AKR1C3: variants seen among roughly 807,000 people sequenced by gnomAD.
AKR1C3 encodes the protein 3-alpha hydroxysteroid dehydrogenase, type II.
Under a neutral mutation model 43.6 loss-of-function variants are expected in AKR1C3, and 48 were observed. The ratio of observed to expected loss-of-function variants is 1.10; its 90% CI spans 0.87 to 1.40. AKR1C3 has a LOEUF of 1.40. Ranked by LOEUF, AKR1C3 falls within the 40% of genes most tolerant of loss-of-function variation. The probability of loss-of-function intolerance (pLI) is 0.00; values close to 1 mark genes in which losing one functional copy is unlikely to be tolerated. For synonymous variants in AKR1C3, 162 were observed against 139.6 expected, an observed-to-expected ratio of 1.16 and a Z score of -1.13; for missense variants, 482 against 391.2, an observed-to-expected ratio of 1.23 and a Z score of -1.96.
At chr10:5,075,341 AT>A (rs1422534307) in intron 1 of AKR1C3, among the ~76,000 whole-genome samples, 1 of 151,794 alleles carries the variant, frequency 6.6e-6, no homozygotes. Flanking sequence ...GGTAGAGAAA[AT>A]TTTTTCCCTT....
intron 1 of AKR1C3, among the ~76,000 whole-genome samples, chr10:5,054,044 G>T (rs370191475): frequency 1.6e-4 from 25 of 152,182 alleles, no homozygotes; most frequent in Non-Finnish European, 3.5e-4. Flanking sequence ...TTTGAAAGGC[G>T]TTGTCTGATT....
intron 1 of AKR1C3, among the ~76,000 whole-genome samples, chr10:5,061,291 G>A (rs1554780212): frequency 6.6e-6 from 1 of 152,204 alleles, no homozygotes; most frequent in East Asian, 1.9e-4. Flanking sequence ...GCTGGTGACA[G>A]GTATATATCA....
chr10:5,095,183 TC>T (rs1164985297), intron 1 of AKR1C3, among the ~76,000 whole-genome samples: 1 of 152,126 alleles, frequency 6.6e-6, no homozygotes, highest in African/African-American at 2.4e-5. Flanking sequence ...GGAGTGGTCT[TC>T]TGACACAAAA....
chr10:5,099,687 A>T (rs911733152), intron 5 of AKR1C3: 1 of 624,194 alleles, frequency 1.6e-6, no homozygotes. Flanking sequence ...GGGGAGGTCC[A>T]TTTGATCAGG....
intron 1 of AKR1C3, chr10:5,077,673 A>G: frequency 1.8e-6 from 2 of 1,099,702 alleles, no homozygotes; most frequent in Non-Finnish European, 2.2e-6. Context: ...AAATGGCAGG[A>G]TGGTTTGCTT....
chr10:5,067,744 C>T (rs1399365535), intron 1 of AKR1C3, among the ~76,000 whole-genome samples: 1 of 152,132 alleles, frequency 6.6e-6, no homozygotes, highest in African/African-American at 2.4e-5. Flanking sequence ...TAGTTATAAA[C>T]TATGTTAGTA....
In AKR1C3 at chr10:5,102,300, C is replaced by T. The variant is rs34464507; in HGVS notation, c.680+90C>T. Reference sequence around the variant, plus strand: ...TCCTCAGTTTCCTGTAGTTAAGTTTCAAGTGGCTCATGGAGAGGAAAGAGA... The same window carrying T: ...TCCTCAGTTTCCTGTAGTTAAGTTTTAAGTGGCTCATGGAGAGGAAAGAGA... On this transcript the variant is annotated intron_variant, in intron 6 of 8. Transcript: ENST00000380554. 1.5e-3 allele frequency: 2,385 copies of T among 1,580,718 alleles called. 35 individuals carry two copies. In the African/African-American group the frequency reaches 0.028, roughly 19 times the overall value.
At chr10:5,077,537 T>C (rs1353450380) in intron 1 of AKR1C3, 1 of 328,488 alleles carries the variant, frequency 3.0e-6, no homozygotes. Flanking sequence ...CTGTGTCCTA[T>C]TATGGAAATG....
intron 1 of AKR1C3, among the ~76,000 whole-genome samples, chr10:5,084,509 A>C (rs1471466017): frequency 1.3e-5 from 2 of 152,024 alleles, no homozygotes; most frequent in African/African-American, 2.4e-5. Flanking sequence ...GTCAGGTAGC[A>C]TGATGCCTCC....
chr10:5,066,225 T>C (rs1193067007), intron 1 of AKR1C3, among the ~76,000 whole-genome samples: 1 of 152,220 alleles, frequency 6.6e-6, no homozygotes, highest in Non-Finnish European at 1.5e-5. Flanking sequence ...CCTTAAAGTC[T>C]TAGAACTAGC....
At chr10:5,065,282 C>G (rs923841773) in intron 1 of AKR1C3, among the ~76,000 whole-genome samples, 3 of 152,180 alleles carry the variant, frequency 2.0e-5, no homozygotes, top group Non-Finnish European at 4.4e-5. Flanking sequence ...ATAAATCATT[C>G]TATCATAAAG....
chr10:5,098,860 A>T lies in AKR1C3; in HGVS notation c.428A>T (p.Asp143Val). ...ENGKVIFDIV[D>V]LCTTWEAMEK... is the part of the protein sequence containing the mutation. Reference sequence around the variant, plus strand: ...GGAAAAGTAATATTTGACATAGTGGATCTCTGTACCACCTGGGAGGTGAGT... The same window carrying T: ...GGAAAAGTAATATTTGACATAGTGGTTCTCTGTACCACCTGGGAGGTGAGT... Residue 143 changes from aspartate (D) to valine (V), a missense_variant, in exon 4 of 9, where the codon GAT (aspartate) becomes GTT (valine). By Grantham distance (152) the Asp-to-Val change is radical. Coordinates refer to ENST00000380554, the MANE Select transcript of AKR1C3 (RefSeq NM_003739.6). 1 of 1,613,634 alleles carries T rather than the reference A, an allele frequency of 6.2e-7. No individual in the cohort carries two copies. Among genetic ancestry groups the T allele is most frequent in the Non-Finnish European group, 8.5e-7 (1 of 1,179,800 alleles).
chr10:5,074,604 CAAG>C (rs1214982074), intron 1 of AKR1C3, among the ~76,000 whole-genome samples: 3 of 152,110 alleles, frequency 2.0e-5, no homozygotes, highest in Non-Finnish European at 2.9e-5. Context: ...ACATAGTGTG[CAAG>C]AAGATTAAAT....
intron 1 of AKR1C3, among the ~76,000 whole-genome samples, chr10:5,051,205 C>T (rs190193030): frequency 5.6e-4 from 85 of 152,246 alleles, no homozygotes; most frequent in African/African-American, 2.0e-3. Flanking sequence ...AAATGATTCT[C>T]GTGTCTCAGC....
chr10:5,051,180 C>G (rs1316397102), intron 1 of AKR1C3, among the ~76,000 whole-genome samples: 1 of 152,192 alleles, frequency 6.6e-6, no homozygotes, highest in Non-Finnish European at 1.5e-5. Flanking sequence ...ACTGCAACCT[C>G]CGCCTTCTGT....
intron 1 of AKR1C3, among the ~76,000 whole-genome samples, chr10:5,056,241 A>T (rs1838259358): frequency 6.6e-6 from 1 of 152,060 alleles, no homozygotes; most frequent in Non-Finnish European, 1.5e-5. Context: ...GTAAGTTGGG[A>T]TGTGTGGTCT....
At chr10:5,096,360 A>T in intron 1 of AKR1C3, 50 bp from the exon 2 acceptor site, 1 of 1,578,258 alleles carries the variant, frequency 6.3e-7, no homozygotes, top group Non-Finnish European at 8.6e-7. Context: ...TGCCTGAACT[A>T]CCTCTCAGCC....
chr10:5,060,649 G>A (rs1277744461), intron 1 of AKR1C3, among the ~76,000 whole-genome samples: 2 of 152,240 alleles, frequency 1.3e-5, no homozygotes, highest in Non-Finnish European at 2.9e-5. Flanking sequence ...CACTGGGGCT[G>A]CAGGTGGAGC....
chr10:5,079,724 C>T (rs148113963), intron 1 of AKR1C3, among the ~76,000 whole-genome samples: 7 of 152,234 alleles, frequency 4.6e-5, no homozygotes, highest in African/African-American at 9.6e-5. Flanking sequence ...CCCACCTCCC[C>T]GAGAGACCCC....
Sources: gnomAD v4.1 joint callset for allele counts (sites outside exome capture counted in the v4.1 genomes callset) on GRCh38, gnomAD v4.1.1 for gene constraint, MANE v1.5 for transcripts, NCBI Gene and HGNC (gene_info 2026-07-23, HGNC 2026-07-21) for gene names.